The following MGAM variants were observed in gnomAD, a reference collection of about 807,000 sequenced individuals.
MGAM encodes maltase-glucoamylase, also known as alpha-1,4-glucosidase.
MGAM carries 253 observed loss-of-function variants against 358.8 expected under a neutral mutation model. That is an observed-to-expected ratio of 0.71 (90% CI 0.64 to 0.78). MGAM has a LOEUF of 0.78. Ranked by LOEUF, MGAM falls within the 30% of genes least tolerant of loss-of-function variation. The pLI is 0.00. For synonymous variants in MGAM, 1,105 were observed against 1,227.1 expected, an observed-to-expected ratio of 0.90 and a Z score of 2.08; for missense variants, 3,080 against 3,432.6, an observed-to-expected ratio of 0.90 and a Z score of 2.57.
Position 142,032,813 on chromosome 7 carries a change from T to G in MGAM, c.1585-12T>G, listed in dbSNP as rs1554464291. On this transcript the variant is annotated splice_polypyrimidine_tract_variant and intron_variant, in intron 13 of 70. Transcript: ENST00000475668. ...TACTTTTTCTTAATAGTTTTTGCTC[T>G]TTGTCTTGTAGGATATGAATGAAGT... The G allele has an allele frequency of 6.3e-7, 1 of 1,587,976 alleles. No homozygotes were observed. Among genetic ancestry groups the G allele is most frequent in the South Asian group, 1.1e-5 (1 of 87,538 alleles).
At chr7:142,063,856 T>C (rs1812466322) in intron 36 of MGAM, among the ~76,000 whole-genome samples, 1 of 152,206 alleles carries the variant, frequency 6.6e-6, no homozygotes. Flanking sequence ...AGTTTCTTAG[T>C]TTTTAGGCTT....
intron 2 of MGAM, among the ~76,000 whole-genome samples, chr7:142,007,343 A>G (rs1805250099): frequency 1.3e-5 from 2 of 152,090 alleles, no homozygotes; most frequent in African/African-American, 4.8e-5. Context: ...ATTATGCTGA[A>G]TTATCCATGG....
intron 49 of MGAM, among the ~76,000 whole-genome samples, chr7:142,079,503 CAA>C (rs1814048486): frequency 1.4e-5 from 2 of 145,794 alleles, no homozygotes; most frequent in South Asian, 4.4e-4. Context: ...TGTGCTTGAT[CAA>C]TGTAAGATGA....
At chr7:142,094,990 A>G (rs4259331) in intron 63 of MGAM, 127 bp downstream of exon 63, 929,018 of 948,980 alleles carry the variant, frequency 0.98, 456,049 homozygotes, top group Non-Finnish European at 1. Flanking sequence ...TTTGAGACAA[A>G]GACTCATTCT....
intron 21 of MGAM, among the ~76,000 whole-genome samples, chr7:142,045,239 CATATA>C (rs1563157048): frequency 7.7e-3 from 98 of 12,678 alleles, no homozygotes; most frequent in South Asian, 0.019. Flanking sequence ...TATTATATAT[CATATA>C]ATATATGATA....
chr7:142,056,130 G>C, intron 29 of MGAM, 34 bp downstream of exon 29: 3 of 1,557,908 alleles, frequency 1.9e-6, no homozygotes, highest in Non-Finnish European at 2.6e-6. Flanking sequence ...ATTTTGGGGG[G>C]ATACCAATCA....
intron 65 of MGAM, 88 bp from the exon 66 acceptor site, chr7:142,097,505 C>G: frequency 7.5e-7 from 1 of 1,335,832 alleles, no homozygotes; most frequent in Non-Finnish European, 1.1e-6. Flanking sequence ...AAGGCCATCA[C>G]AATTATTTAA....
intron 10 of MGAM, among the ~76,000 whole-genome samples, chr7:142,029,108 T>A (rs559787011): frequency 6.6e-6 from 1 of 152,254 alleles, no homozygotes; most frequent in East Asian, 1.9e-4. Context: ...TCCCAGCACT[T>A]GGGAAGCCAA....
At chr7:142,041,033 T>A (rs1219126426) in intron 21 of MGAM, among the ~76,000 whole-genome samples, 187 bp downstream of exon 21, 1 of 152,140 alleles carries the variant, frequency 6.6e-6, no homozygotes, top group Admixed American at 6.6e-5. Flanking sequence ...GGTCAGTTGA[T>A]CCCTCTGTCT....
chr7:142,001,794 G>A (rs1554450741), intron 1 of MGAM, among the ~76,000 whole-genome samples: 1 of 152,166 alleles, frequency 6.6e-6, no homozygotes, highest in Non-Finnish European at 1.5e-5. Context: ...GGGAAAGTGG[G>A]ACTGACATAT....
At chr7:142,019,143 T>A in intron 3 of MGAM, 56 bp from the exon 4 acceptor site, 2 of 1,569,278 alleles carry the variant, frequency 1.3e-6, no homozygotes, top group Non-Finnish European at 1.7e-6. Context: ...TCGTGCTTTA[T>A]AAATGATCAT....
chr7:141,992,886 G>A (rs1264432566), upstream of MGAM, among the ~76,000 whole-genome samples: 3 of 152,144 alleles, frequency 2.0e-5, no homozygotes, highest in African/African-American at 4.8e-5. Flanking sequence ...TCAGACCCAA[G>A]GTCTTGGCAC....
At position 142,064,411 on chromosome 7, in the gene MGAM, G is replaced by A. The variant is rs747733522; in HGVS notation, c.4373G>A (p.Ser1458Asn). 7.5e-6 allele frequency: 12 copies of A among 1,608,632 alleles called. No individual in the cohort carries two copies. Among genetic ancestry groups the A allele is most frequent in the East Asian group, 2.2e-5 (1 of 44,710 alleles). Residue 1458 changes from serine (S) to asparagine (N), a missense_variant, in exon 37 of 71, where the codon AGC (serine) becomes AAC (asparagine). Transcript: ENST00000475668. ...PHLESRDRGL[S>N]SKTLCMESQQ... ...TTGGAGTCCAGGGACAGGGGCCTGA[G>A]CAGCAAGACCCTTTGTATGGAGAGT...
chr7:142,043,016 A>G (rs181428904), intron 21 of MGAM, among the ~76,000 whole-genome samples: 2 of 95,312 alleles, frequency 2.1e-5, no homozygotes, highest in Admixed American at 1.6e-4. Flanking sequence ...AATATAATAT[A>G]TATAAAATAT....
Position 142,021,731 on chromosome 7 carries a change from G to A in MGAM, c.704G>A (p.Arg235His), listed in dbSNP as rs781819632. The A allele has an allele frequency of 1.4e-4, 228 of 1,613,748 alleles. 1 individual carries two copies. The highest frequency in any genetic ancestry group is 1.8e-4 in the Non-Finnish European group (215 of 1,179,792). The change falls in exon 6 of 71, where the codon CGT becomes CAT. Residue 235 changes from arginine (R) to histidine (H), a missense_variant. By Grantham distance (29) the Arg-to-His change is conservative. This residue lies in a region of MGAM where 1,816 missense variants were observed against 1,840.5 expected (regional missense o/e 0.99). Transcript: ENST00000475668. ...SIKVTRRSNN[R>H]VLFDSSIGPL... ...AAAGTGACCAGAAGAAGCAACAATC[G>A]TGTTTTGTAAGTTTTGGAAACCTAT...
chr7:142,084,690 G>A, intron 54 of MGAM, 46 bp downstream of exon 54: 1 of 1,536,452 alleles, frequency 6.5e-7, no homozygotes, highest in Non-Finnish European at 8.9e-7. Context: ...TAACCCAGGT[G>A]CCTCTGTGTC....
At position 142,008,670 on chromosome 7, in the gene MGAM, C is replaced by T. The variant is rs782363163; in HGVS notation, c.292C>T (p.Arg98Ter). The change falls in exon 3 of 71, where the codon CGA becomes TGA. Residue 98 changes from arginine (R) to a stop codon, truncating the protein, a stop_gained. Transcript: ENST00000475668. LOFTEE classifies it high-confidence loss of function. ...ATGTCCAGTGGTAAATGAATTGGAA[C>T]GAATTAATTGCATCCCTGACCAGCC... ...AECPVVNELE[R>*]INCIPDQPPT... 21 of 1,613,238 alleles carry T rather than the reference C, an allele frequency of 1.3e-5. No homozygotes were observed. The East Asian group carries it at 1.3e-4, about 10-fold the overall frequency.
intron 1 of MGAM, among the ~76,000 whole-genome samples, chr7:142,002,125 A>G (rs1584895806): frequency 2.0e-5 from 3 of 152,318 alleles, no homozygotes; most frequent in South Asian, 4.1e-4. Context: ...AAAATAAGAC[A>G]CTAATGAAAT....
Position 142,086,338 on chromosome 7 carries a change from T to C in MGAM, c.6747+10T>C. 6.6e-7 allele frequency: 1 copy of C among 1,505,722 alleles called. No homozygotes were observed. 93.3% of individuals were successfully genotyped at this position (1,505,722 alleles called of 1,614,324 possible). ...CATTGTCTGGGGAAAGGTATAATCC[T>C]AAGCGATGATCCAGTAGTCCCTAGC... On this transcript the variant is annotated intron_variant, in intron 56 of 70. Coordinates refer to ENST00000475668, the MANE Select transcript of MGAM (RefSeq NM_001365693.1).
Sources: allele counts gnomAD v4.1 joint callset (sites outside exome capture counted in the v4.1 genomes callset), GRCh38; gene constraint gnomAD v4.1.1; regional missense constraint gnomAD v4.1.1; transcripts MANE v1.5; gene names NCBI Gene and HGNC (gene_info 2026-07-23, HGNC 2026-07-21).